EDARADD: variants seen among roughly 807,000 people sequenced by gnomAD.
EDARADD encodes EDAR associated via death domain.
In EDARADD, 20 loss-of-function variants were observed where a neutral mutation model predicts 25.6. The ratio of observed to expected loss-of-function variants is 0.78; its 90% CI spans 0.55 to 1.14. The LOEUF is 1.14. Among genes scored for constraint, EDARADD ranks in the 50% most tolerant of loss-of-function variants. EDARADD has a pLI of 0.00. For missense variants in EDARADD, 225 were observed against 270.1 expected (o/e 0.83, Z 1.17); for synonymous variants, 86 against 94.4 (o/e 0.91, Z 0.52).
chr1:236,459,163 A>G (rs942062365), intron 4 of EDARADD, among the ~76,000 whole-genome samples: 5 of 152,106 alleles, frequency 3.3e-5, no homozygotes. Flanking sequence ...CCCGTGTTCT[A>G]GCATTACTTC....
chr1:236,476,068 T>C (rs1468063503), intron 5 of EDARADD, among the ~76,000 whole-genome samples: 1 of 152,086 alleles, frequency 6.6e-6, no homozygotes, highest in African/African-American at 2.4e-5. Context: ...GGCTGGCGCC[T>C]GTAATCTCAG....
In EDARADD at chr1:236,483,392, C is replaced by A. The variant is rs1571964459; in HGVS notation, c.*743C>A. 1 of 1,334,024 alleles carries A rather than the reference C, an allele frequency of 7.5e-7. No homozygotes were observed. The highest frequency in any genetic ancestry group is 1.1e-6 in the Non-Finnish European group (1 of 927,718). 82.6% of individuals were successfully genotyped at this position (1,334,024 alleles called of 1,614,324 possible). On this transcript the variant is annotated 3_prime_UTR_variant, in exon 6 of 6. Coordinates refer to ENST00000334232, the MANE Select transcript of EDARADD (RefSeq NM_145861.4). ...CCATCAATAAAACTATTGCACCTGT[C>A]CTGGTTAGCAAGAAACTGAACGTCA...
At chr1:236,429,015 A>G (rs1658017283) in intron 4 of EDARADD, among the ~76,000 whole-genome samples, 1 of 152,098 alleles carries the variant, frequency 6.6e-6, no homozygotes, top group East Asian at 1.9e-4. Flanking sequence ...GCGCGCCTGC[A>G]ATCCCAGGCA....
intron 4 of EDARADD, among the ~76,000 whole-genome samples, chr1:236,443,355 T>C (rs941248771): frequency 1.3e-5 from 2 of 152,258 alleles, no homozygotes; most frequent in Non-Finnish European, 2.9e-5. Context: ...ATTCCTCTGA[T>C]GGTTCTGTGA....
intron 4 of EDARADD, among the ~76,000 whole-genome samples, chr1:236,450,101 CA>C (rs10707989): frequency 0.86 from 121,989 of 141,042 alleles, 53,592 homozygotes; most frequent in Non-Finnish European, 0.95. Context: ...ACTCTGTCTC[CA>C]AAAAAAAAAA....
chr1:236,363,006 A>AATATATATAT (rs1184705463), intron 3 of EDARADD, among the ~76,000 whole-genome samples: 15 of 42,946 alleles, frequency 3.5e-4, no homozygotes, highest in East Asian at 1.9e-3. Context: ...AAAAAAAAAA[A>AATATATATAT]ATATATATAT....
intron 3 of EDARADD, among the ~76,000 whole-genome samples, chr1:236,374,973 AT>A (rs960399733): frequency 6.6e-6 from 1 of 150,964 alleles, no homozygotes; most frequent in South Asian, 2.1e-4. Context: ...CTTTGTTCCT[AT>A]TTTTGTCTTC....
chr1:236,452,509 T>C (rs1259973316), intron 4 of EDARADD, among the ~76,000 whole-genome samples: 47 of 151,078 alleles, frequency 3.1e-4, no homozygotes, highest in East Asian at 1.3e-3. Context: ...CCCCTCTCTC[T>C]CTCTCTTTCT....
At chr1:236,472,432 C>T (rs557411923) in intron 5 of EDARADD, among the ~76,000 whole-genome samples, 38 of 152,260 alleles carry the variant, frequency 2.5e-4, no homozygotes, top group African/African-American at 8.9e-4. Flanking sequence ...GGTGGGACCA[C>T]ACATCAGGGT....
rs1034094317 is a variant in EDARADD at position 236,421,303 on chromosome 1, T to C, written c.161-6089T>C. On this transcript the variant is annotated intron_variant, in intron 3 of 5. Coordinates refer to ENST00000334232, the MANE Select transcript of EDARADD (RefSeq NM_145861.4). ...AAGCAAGTGGGGTGCCTCCTGGTTG[T>C]CAGGATGTGATTGGCTTGTTTGAGT... Among the ~76,000 whole-genome samples, 4 of 145,434 alleles carry C rather than the reference T, an allele frequency of 2.8e-5. 1 individual carries two copies. Among genetic ancestry groups the C allele is most frequent in the African/African-American group, 7.5e-5 (3 of 39,802 alleles).
intron 3 of EDARADD, among the ~76,000 whole-genome samples, chr1:236,417,943 T>TC (rs57327787): frequency 1.5e-5 from 2 of 129,648 alleles, no homozygotes; most frequent in African/African-American, 5.5e-5. Context: ...TTTTTTTTTT[T>TC]CTCTTCTTTT....
At position 236,482,718 on chromosome 1, in the gene EDARADD, T is replaced by A; in HGVS notation, c.*69T>A. ...ACCACAGGTCAAGAAGGAATGTGAA[T>A]CTGTTGTTTTATAAGAGTTTAGGAC... On this transcript the variant is annotated 3_prime_UTR_variant, in exon 6 of 6. Coordinates refer to ENST00000334232, the MANE Select transcript of EDARADD (RefSeq NM_145861.4). 1 of 1,599,822 alleles carries A rather than the reference T, an allele frequency of 6.3e-7. No individual in the cohort carries two copies.
At chr1:236,477,524 C>A (rs1659542899) in intron 5 of EDARADD, among the ~76,000 whole-genome samples, 2 of 152,164 alleles carry the variant, frequency 1.3e-5, no homozygotes, top group East Asian at 3.9e-4. Context: ...GAGATGCAAA[C>A]AAACTGATGT....
At chr1:236,384,290 C>T (rs1433060459) in intron 3 of EDARADD, among the ~76,000 whole-genome samples, 1 of 152,246 alleles carries the variant, frequency 6.6e-6, no homozygotes, top group Non-Finnish European at 1.5e-5. Context: ...GTCTATGTCT[C>T]TGCAATCTTG....
At chr1:236,440,665 G>A (rs1322987695) in intron 4 of EDARADD, among the ~76,000 whole-genome samples, 4 of 151,082 alleles carry the variant, frequency 2.6e-5, no homozygotes, top group Non-Finnish European at 4.4e-5. Context: ...TGTTCACTTT[G>A]TGTCTCTGTG....
In EDARADD at chr1:236,484,272, C is replaced by T. The variant is rs878883157; in HGVS notation, c.*1623C>T. 3 of 970,112 alleles carry T rather than the reference C, an allele frequency of 3.1e-6. No individual in the cohort carries two copies. The highest frequency in any genetic ancestry group is 2.6e-5 in the South Asian group (2 of 78,144). The allele number at this position is 970,112 out of a possible 1,614,324, so 60.1% of individuals were successfully genotyped here. ...GGCCAATGGTTGGTGTGTCATGGTG[C>T]CTCATCATTCTGGGGAGACTGAAAA... is the stretch of plus-strand genomic sequence containing the variant. On this transcript the variant is annotated 3_prime_UTR_variant, in exon 6 of 6. Coordinates refer to ENST00000334232, the MANE Select transcript of EDARADD (RefSeq NM_145861.4). The surrounding 1 kb of genome is among the most constrained non-coding windows in gnomAD (Gnocchi z 4.1).
Position 236,431,821 on chromosome 1 carries a change from T to G in EDARADD, c.219+4371T>G, listed in dbSNP as rs1404454152. Among the ~76,000 whole-genome samples, 2 of 101,030 alleles carry G rather than the reference T, an allele frequency of 2.0e-5. 1 individual carries two copies. The highest frequency in any genetic ancestry group is 5.7e-5 in the African/African-American group (2 of 35,248). The allele number at this position is 101,030 out of a possible 152,430, so 66.3% of individuals were successfully genotyped here. On this transcript the variant is annotated intron_variant, in intron 4 of 5. Coordinates refer to ENST00000334232, the MANE Select transcript of EDARADD (RefSeq NM_145861.4). ...CTGTAGTCCCAGCTACTCGGGAGGC[T>G]GAGGCAGGAGAATGGCGTGAACCCG... is the stretch of plus-strand genomic sequence containing the variant.
intron 4 of EDARADD, among the ~76,000 whole-genome samples, chr1:236,467,479 G>GA (rs1220849730): frequency 1.3e-5 from 2 of 150,520 alleles, no homozygotes; most frequent in African/African-American, 4.9e-5. Context: ...TCCAAGATCA[G>GA]AAAAAATCCC....
At chr1:236,367,797 A>G (rs964962281) in intron 3 of EDARADD, among the ~76,000 whole-genome samples, 2 of 152,218 alleles carry the variant, frequency 1.3e-5, no homozygotes, top group Non-Finnish European at 2.9e-5. Context: ...TGAAAAATAA[A>G]GAGGAAAAGC....
Sources: gnomAD v4.1 joint callset for allele counts (sites outside exome capture counted in the v4.1 genomes callset) on GRCh38, gnomAD v4.1.1 for gene constraint, Gnocchi (gnomAD v3.1) non-coding constraint, MANE v1.5 for transcripts, NCBI Gene and HGNC (gene_info 2026-07-23, HGNC 2026-07-21) for gene names.